DHRSX: variants seen among roughly 807,000 people sequenced by gnomAD.
DHRSX encodes the protein dehydrogenase/reductase X-linked, also known as polyprenol dehydrogenase.
A neutral mutation model predicts 34.0 loss-of-function variants in DHRSX; 31 were observed. The ratio of observed to expected loss-of-function variants is 0.91; its 90% confidence interval spans 0.69 to 1.23. DHRSX has a LOEUF of 1.23. DHRSX is among the 50% of genes most tolerant of loss of function. The pLI is 0.00. For missense variants in DHRSX, 414 were observed against 428.1 expected, an observed-to-expected ratio of 0.97 and a Z score of 0.29; for synonymous variants, 201 against 183.8, an observed-to-expected ratio of 1.09 and a Z score of -0.76.
intron 1 of DHRSX, among the ~76,000 whole-genome samples, chrX:2,449,840 C>T (rs2044191632): frequency 6.6e-6 from 1 of 152,060 alleles, no homozygotes; most frequent in Non-Finnish European, 1.5e-5. Context: ...TGGAGTTTGG[C>T]CATGTTGCCC....
chrX:2,245,577 T>C (rs2016258156), intron 5 of DHRSX, among the ~76,000 whole-genome samples: 1 of 150,562 alleles, frequency 6.6e-6, no homozygotes. Flanking sequence ...CCCAAAGTGC[T>C]GGGATTACAG....
At chrX:2,400,480 A>T (rs1031804553) in intron 3 of DHRSX, among the ~76,000 whole-genome samples, 8 of 152,180 alleles carry the variant, frequency 5.3e-5, no homozygotes, top group African/African-American at 1.7e-4. Flanking sequence ...CTTGCATGTC[A>T]TCATGAATAA....
intron 5 of DHRSX, among the ~76,000 whole-genome samples, chrX:2,246,706 G>GAGAAAGAAAGAAAGAAAGAAAGAAAAGAA (rs2016296870): frequency 9.3e-6 from 1 of 107,406 alleles, no homozygotes; most frequent in African/African-American, 3.4e-5. Flanking sequence ...AAGAAAGAAA[G>GAGAAAGAAAGAAAGAAAGAAAGAAAAGAA]AGAAAGAAAG....
intron 3 of DHRSX, among the ~76,000 whole-genome samples, chrX:2,389,332 A>C (rs2043308202): frequency 6.6e-6 from 1 of 152,134 alleles, no homozygotes; most frequent in African/African-American, 2.4e-5. Context: ...CTCCCTTCTG[A>C]AAGAGGAAGA....
Position 2,476,749 on chromosome X carries a change from A to C in DHRSX, c.109+24068T>G, listed in dbSNP as rs191263924. Among the ~76,000 whole-genome samples the C allele has an allele frequency of 7.4e-4, 112 of 152,330 alleles. 1 individual carries two copies. The highest frequency in any genetic ancestry group is 2.5e-3 in the African/African-American group (102 of 41,568). On this transcript the variant is annotated intron_variant, in intron 1 of 6. Transcript: ENST00000334651. ...CCAGGTGTGGAGACTCACACCTGTA[A>C]TCCCAGCATTTTGGGAGGCCAAAGC...
At chrX:2,403,565 T>C (rs1360229535) in intron 3 of DHRSX, among the ~76,000 whole-genome samples, 1 of 152,128 alleles carries the variant, frequency 6.6e-6, no homozygotes, top group Non-Finnish European at 1.5e-5. Flanking sequence ...AGCAATGATT[T>C]GTTATTGTGG....
chrX:2,246,674 GAA>G (rs1413747822), intron 5 of DHRSX, among the ~76,000 whole-genome samples: 1 of 84,584 alleles, frequency 1.2e-5, no homozygotes, highest in African/African-American at 4.9e-5. Context: ...AGAAAGAAAA[GAA>G]AGAAAGAAAA....
intron 3 of DHRSX, among the ~76,000 whole-genome samples, chrX:2,369,162 C>G (rs1467987491): frequency 2.0e-5 from 3 of 152,120 alleles, no homozygotes; most frequent in Non-Finnish European, 4.4e-5. Flanking sequence ...AGCTTTGCTT[C>G]TGCGGTTGAA....
chrX:2,341,916 T>C (rs888504058), intron 3 of DHRSX, among the ~76,000 whole-genome samples: 15 of 152,132 alleles, frequency 9.9e-5, no homozygotes, highest in African/African-American at 3.4e-4. Context: ...GTAACTCTCC[T>C]GCCTTAGCCT....
chrX:2,224,762 G>A (rs1353866355), intron 6 of DHRSX, among the ~76,000 whole-genome samples: 3 of 151,748 alleles, frequency 2.0e-5, no homozygotes, highest in African/African-American at 7.3e-5. Context: ...ACTTGCACAT[G>A]CATACTCACA....
intron 3 of DHRSX, among the ~76,000 whole-genome samples, chrX:2,330,595 GAAGGA>G (rs1191281844): frequency 2.7e-5 from 4 of 148,672 alleles, no homozygotes; most frequent in Non-Finnish European, 4.5e-5. Flanking sequence ...GAGGGGAAGG[GAAGGA>G]AAGGGAGAAG....
intron 3 of DHRSX, among the ~76,000 whole-genome samples, chrX:2,408,138 C>T (rs1319853550): frequency 3.3e-5 from 5 of 150,024 alleles, no homozygotes; most frequent in Non-Finnish European, 4.4e-5. Flanking sequence ...TTTTTTGAGA[C>T]GGAGTCTTGC....
chrX:2,373,108 G>A (rs1398706351), intron 3 of DHRSX, among the ~76,000 whole-genome samples: 1 of 152,188 alleles, frequency 6.6e-6, no homozygotes, highest in East Asian at 1.9e-4. Context: ...TTCCACGGCG[G>A]CAGGCAAAAT....
At position 2,365,296 on chromosome X, in the gene DHRSX, C is replaced by T. The variant is rs192053783; in HGVS notation, c.286+43449G>A. On this transcript the variant is annotated intron_variant, in intron 3 of 6. Transcript: ENST00000334651. Reference sequence around the variant, plus strand: ...CTGTGACTACAGGCAGCCACCACCACGCCTGGCTGATTTTTGTATTTTTAG... The same window carrying T: ...CTGTGACTACAGGCAGCCACCACCATGCCTGGCTGATTTTTGTATTTTTAG... Among the ~76,000 whole-genome samples, 620 of 152,302 alleles carry T rather than the reference C, an allele frequency of 4.1e-3. 4 individuals carry two copies. Among genetic ancestry groups the T allele is most frequent in the African/African-American group, 0.012 (510 of 41,574 alleles).
intron 2 of DHRSX, among the ~76,000 whole-genome samples, chrX:2,422,932 C>T (rs1206741024): frequency 6.6e-6 from 1 of 151,912 alleles, no homozygotes; most frequent in Non-Finnish European, 1.5e-5. Flanking sequence ...CTACAGGCGC[C>T]CACCACCACG....
chrX:2,460,108 C>G (rs2044382266), intron 1 of DHRSX, among the ~76,000 whole-genome samples: 1 of 151,448 alleles, frequency 6.6e-6, no homozygotes, highest in East Asian at 1.9e-4. Context: ...TAATCCTTCT[C>G]AAACAAACAA....
intron 6 of DHRSX, among the ~76,000 whole-genome samples, chrX:2,222,748 A>G (rs1425095537): frequency 6.6e-6 from 1 of 152,166 alleles, no homozygotes; most frequent in African/African-American, 2.4e-5. Context: ...AAAAAGGAAA[A>G]GGGTGGACTC....
intron 3 of DHRSX, among the ~76,000 whole-genome samples, chrX:2,302,133 A>G (rs940879306): frequency 6.6e-6 from 1 of 152,134 alleles, no homozygotes; most frequent in African/African-American, 2.4e-5. Context: ...AGAGTCAGCC[A>G]AACGTGGCAG....
intron 5 of DHRSX, among the ~76,000 whole-genome samples, chrX:2,245,740 A>C (rs1159208743): frequency 6.9e-6 from 1 of 144,332 alleles, no homozygotes; most frequent in Non-Finnish European, 1.5e-5. Context: ...GGCGGATCAC[A>C]AGGTCAGGAG....
Sources: gnomAD v4.1 joint callset for allele counts (sites outside exome capture counted in the v4.1 genomes callset) on GRCh38, gnomAD v4.1.1 for gene constraint, MANE v1.5 for transcripts, NCBI Gene and HGNC (gene_info 2026-07-23, HGNC 2026-07-21) for gene names.